The following TTN variants were observed in gnomAD, a reference collection of about 807,000 sequenced individuals.
TTN encodes connectin.
A neutral mutation model predicts 3,223.0 loss-of-function variants in TTN; 1,525 were observed. The ratio of observed to expected loss-of-function variants is 0.47; its 90% confidence interval spans 0.45 to 0.49. The LOEUF (loss-of-function observed/expected upper bound fraction) is 0.49. Ranked by LOEUF, TTN falls within the 20% of genes least tolerant of loss-of-function variation. The pLI, the probability that TTN is intolerant of heterozygous loss-of-function variation, is 0.00. For missense variants in TTN, 40,786 were observed against 43,424.0 expected, an observed-to-expected ratio of 0.94 and a Z score of 5.40; for synonymous variants, 14,094 against 15,161.0, an observed-to-expected ratio of 0.93 and a Z score of 5.17.
rs376539252 is a variant in TTN, at chr2:178,546,805, G to A, written c.94623C>T (p.Tyr31541=). The A allele has an allele frequency of 4.3e-4, 687 of 1,613,220 alleles. 1 individual carries two copies. The highest frequency in any genetic ancestry group is 5.6e-4 in the Non-Finnish European group (662 of 1,179,458). The change falls in exon 341 of 363, where the codon TAC becomes TAT. Residue 31541 remains tyrosine (Y), a synonymous_variant. Coordinates refer to ENST00000589042, the MANE Select transcript of TTN (RefSeq NM_001267550.2). ...AYDGGSKVVG[Y]IIERKPVSEV... The stretch of plus-strand genomic sequence containing the variant: ...CACTGACTGGCTTACGCTCTATGAT[G>A]TAGCCCACAACCTTGCTGCCTCCAT...
rs199642423 is a variant in TTN, at chr2:178,532,705, C to T, written c.103910G>A (p.Arg34637Gln). The T allele has an allele frequency of 1.9e-5, 30 of 1,613,796 alleles. No individual in the cohort carries two copies. Among genetic ancestry groups the T allele is most frequent in the African/African-American group, 1.6e-4 (12 of 74,900 alleles). ...GTCATAATCAGGAGAAGGTGTACGC[C>T]GGCGGGCTGGTCTCACTATCTCAAG... ...DDLEIVRPAR[R>Q]RTPSPDYDFY... The change falls in exon 358 of 363, where the codon CGG (arginine) becomes CAG (glutamine). Residue 34637 changes from arginine to glutamine, a missense_variant. By Grantham distance (43) the Arg-to-Gln change is conservative (BLOSUM62 1). Transcript: ENST00000589042.
Position 178,709,740 on chromosome 2 carries a change from A to C in TTN, c.28579T>G (p.Trp9527Gly). 6.2e-7 allele frequency: 1 copy of C among 1,613,882 alleles called. No homozygotes were observed. Among genetic ancestry groups the C allele is most frequent in the South Asian group, 1.1e-5 (1 of 91,080 alleles). ...TGTATCTCTATATTATTTTTGTACC[A>C]GGCAACAGTTATAGGTTGGGAACCA... is the stretch of plus-strand genomic sequence containing the variant. ...VAGSQPITVA[W>G]YKNNIEIQPT... The change falls in exon 99 of 363, where the codon TGG becomes GGG. Residue 9527 changes from tryptophan (W) to glycine (G), a missense_variant. Physicochemically the swap from Trp to Gly is radical, Grantham distance 184. Coordinates refer to ENST00000589042, the MANE Select transcript of TTN (RefSeq NM_001267550.2).
chr2:178,728,456 A>T (rs956762404), intron 66 of TTN, 44 bp downstream of exon 66: 2 of 1,586,846 alleles, frequency 1.3e-6, no homozygotes, highest in Non-Finnish European at 1.7e-6. Context: ...TTTACAAAGG[A>T]CATACTATAA....
Position 178,664,776 on chromosome 2 carries a change from G to A in TTN, c.36119-39C>T. 1.9e-6 allele frequency: 3 copies of A among 1,610,382 alleles called. No homozygotes were observed. The East Asian group carries it at 6.7e-5, about 36-fold the overall frequency. On this transcript the variant is annotated intron_variant, in intron 166 of 362. Transcript: ENST00000589042. ...GTAGTTTTATGTTTAGTGTTATGCA[G>A]ATAACTAGGAATAGCAAAAATATTC...
chr2:178,556,957 G>A lies in TTN; in HGVS notation c.88197C>T (p.Gly29399=). 1 of 1,613,816 alleles carries A rather than the reference G, an allele frequency of 6.2e-7. No individual in the cohort carries two copies. ...NVTETQFIIS[G]LTQNSQYEFR... The stretch of plus-strand genomic sequence containing the variant: ...ATTCATACTGGGAATTCTGAGTCAA[G>A]CCAGAGATGATGAATTGAGTTTCAG... The change falls in exon 330 of 363, where the codon GGC becomes GGT. Residue 29399 remains glycine, a synonymous_variant. Coordinates refer to ENST00000589042, the MANE Select transcript of TTN (RefSeq NM_001267550.2).
chr2:178,685,740 C>T (rs1463154086), intron 127 of TTN, 142 bp from the exon 128 acceptor site: 2 of 732,008 alleles, frequency 2.7e-6, no homozygotes, highest in East Asian at 2.8e-5. Flanking sequence ...ATTTAAAATA[C>T]TCAAAGAGCA....
chr2:178,621,655 G>A lies in TTN; in HGVS notation c.45169C>T (p.Pro15057Ser). The A allele has an allele frequency of 6.2e-7, 1 of 1,612,244 alleles. No homozygotes were observed. Among genetic ancestry groups the A allele is most frequent in the Non-Finnish European group, 8.5e-7 (1 of 1,179,014 alleles). ...TTATACCAAATCACTTCTGCGCCAG[G>A]TTTGGAGACTTCACAAACCAGTTTT... ...TIKLVCEVSKPGAEVIWYKGD... is the reference protein window; with the variant it reads ...TIKLVCEVSKSGAEVIWYKGD... Residue 15057 changes from proline to serine, a missense_variant, in exon 245 of 363, where the codon CCT becomes TCT. Transcript: ENST00000589042.
In TTN at chr2:178,725,412, T is replaced by C. The variant is rs200866883; in HGVS notation, c.20792A>G (p.Asn6931Ser). 544 of 1,606,838 alleles carry C rather than the reference T, an allele frequency of 3.4e-4. No individual in the cohort carries two copies. The highest frequency in any genetic ancestry group is 4.3e-4 in the Non-Finnish European group (511 of 1,175,868). The change falls in exon 71 of 363, where the codon AAT (asparagine) becomes AGT (serine). Residue 6931 changes from asparagine (N) to serine (S), a missense_variant. Transcript: ENST00000589042. ...NAGKYICQIKNDGGMRENMAT... is the reference protein window; with the variant it reads ...NAGKYICQIKSDGGMRENMAT... ...CATGTTCTCCCTCATTCCACCATCATTCTTGATTTGGCAGATATACTTTCC... is the reference window on the plus strand; with the variant it reads ...CATGTTCTCCCTCATTCCACCATCACTCTTGATTTGGCAGATATACTTTCC...
intron 241 of TTN, 55 bp downstream of exon 241, chr2:178,625,218 C>T: frequency 6.4e-7 from 1 of 1,565,020 alleles, no homozygotes; most frequent in South Asian, 1.2e-5. Flanking sequence ...TGAGAGTTGG[C>T]ATTGTTCATG....
At chr2:178,722,985 A>G (rs756379289) in intron 75 of TTN, 48 bp from the exon 76 acceptor site, 1 of 1,596,108 alleles carries the variant, frequency 6.3e-7, no homozygotes, top group South Asian at 1.1e-5. Context: ...ATGAATATCA[A>G]AGAAACTATG....
chr2:178,555,138 C>A lies in TTN; in HGVS notation c.88321G>T (p.Asp29441Tyr). The change falls in exon 331 of 363, where the codon GAT (aspartate) becomes TAT (tyrosine). Residue 29441 changes from aspartate to tyrosine, a missense_variant. Physicochemically the swap from Asp to Tyr is radical, Grantham distance 160. Transcript: ENST00000589042. ...CIDSYGGPVI[D>Y]LPLEYTEVVK... ...ACTTCTGTATATTCTAGAGGCAAAT[C>A]AATTACAGGACCACCTGCAAGAAAA... The A allele has an allele frequency of 6.2e-7, 1 of 1,608,058 alleles. No individual in the cohort carries two copies. Among genetic ancestry groups the A allele is most frequent in the Non-Finnish European group, 8.5e-7 (1 of 1,178,520 alleles).
chr2:178,722,003 CCTT>C lies in TTN; in HGVS notation c.22657_22659del (p.Lys7553del), dbSNP rs2078450162. 6.2e-7 allele frequency: 1 copy of C among 1,613,400 alleles called. No homozygotes were observed. The highest frequency in any genetic ancestry group is 8.5e-7 in the Non-Finnish European group (1 of 1,179,586). ...GTATAGTTTCCTCCAGGACGGATCTCCTTGTTATCTTTTGACCAAGTGATTCGC... is the reference window on the plus strand; with the variant it reads ...GTATAGTTTCCTCCAGGACGGATCTCGTTATCTTTTGACCAAGTGATTCGC... On this transcript the variant is annotated inframe_deletion, in exon 78 of 363. Coordinates refer to ENST00000589042, the MANE Select transcript of TTN (RefSeq NM_001267550.2).
chr2:178,732,577 C>T lies in TTN; in HGVS notation c.16484G>A (p.Ser5495Asn), dbSNP rs1183828555. ...KGNKELVSGG[S>N]CYITKEALES... ...TAAAGCTTCTTTGGTAATATAGCAG[C>T]TTCCACCAGAAACCAGCTCTTTGTT... is the stretch of plus-strand genomic sequence containing the variant. Residue 5495 changes from serine (S) to asparagine (N), a missense_variant, in exon 56 of 363, where the codon AGC (serine) becomes AAC (asparagine). Transcript: ENST00000589042. 1.2e-6 allele frequency: 2 copies of T among 1,613,660 alleles called. No individual in the cohort carries two copies. Among genetic ancestry groups the T allele is most frequent in the Non-Finnish European group, 1.7e-6 (2 of 1,179,740 alleles).
Position 178,574,441 on chromosome 2 carries a change from A to G in TTN, c.71691T>C (p.Tyr23897=). 2 of 1,613,606 alleles carry G rather than the reference A, an allele frequency of 1.2e-6. No individual in the cohort carries two copies. Among genetic ancestry groups the G allele is most frequent in the Non-Finnish European group, 1.7e-6 (2 of 1,179,638 alleles). The part of the protein sequence containing the change: ...KSSGLTDGIA[Y]EFRVIAENMA... ...TGTTTTCTGCAATCACCCGGAACTC[A>G]TAAGCAATACCATCTGTAAGTCCAC... The change falls in exon 326 of 363, where the codon TAT becomes TAC. Residue 23897 remains tyrosine (Y), a synonymous_variant. Coordinates refer to ENST00000589042, the MANE Select transcript of TTN (RefSeq NM_001267550.2).
intron 2 of TTN, among the ~76,000 whole-genome samples, chr2:178,803,486 C>T (rs1184195340): frequency 6.7e-6 from 1 of 150,312 alleles, no homozygotes; most frequent in Non-Finnish European, 1.5e-5. Flanking sequence ...AAGGGAATTT[C>T]ATTGGTCTAT....
chr2:178,686,867 G>A (rs1164922457), intron 127 of TTN, among the ~76,000 whole-genome samples: 3 of 152,198 alleles, frequency 2.0e-5, no homozygotes, highest in African/African-American at 4.8e-5. Flanking sequence ...GAGTACTACA[G>A]GAAGTTTATA....
intron 240 of TTN, among the ~76,000 whole-genome samples, chr2:178,627,543 G>T (rs2059222631): frequency 6.6e-6 from 1 of 151,910 alleles, no homozygotes; most frequent in Admixed American, 6.6e-5. Flanking sequence ...AAAGGCTAAG[G>T]TATTTCGGGT....
chr2:178,575,526 G>C lies in TTN; in HGVS notation c.70606C>G (p.Pro23536Ala). 6.2e-7 allele frequency: 1 copy of C among 1,613,682 alleles called. No individual in the cohort carries two copies. Among genetic ancestry groups the C allele is most frequent in the East Asian group, 2.2e-5 (1 of 44,848 alleles). The change falls in exon 326 of 363, where the codon CCA becomes GCA. Residue 23536 changes from proline (P) to alanine (A), a missense_variant. Pro to Ala is a conservative substitution (Grantham distance 27). Transcript: ENST00000589042. This position sits in a 1 kb window ranked among gnomAD's most constrained non-coding sequence, Gnocchi z 4.0. ...PVKASEAPSP[P>A]DSLNIMDITK... ...ATGTCCATGATGTTAAGGCTGTCTG[G>C]TGGAGATGGTGCTTCAGAGGCTTTT...
At position 178,739,134 on chromosome 2, in the gene TTN, A is replaced by G. The variant is rs2154317357; in HGVS notation, c.14092+7T>C. Reference sequence around the variant, plus strand: ...GCATTTGATCTATTTTATCCTTAAAATCCAACCTCTTTTTACTACAGTGAG... The same window carrying G: ...GCATTTGATCTATTTTATCCTTAAAGTCCAACCTCTTTTTACTACAGTGAG... On this transcript the variant is annotated splice_region_variant and intron_variant, in intron 48 of 362. Coordinates refer to ENST00000589042, the MANE Select transcript of TTN (RefSeq NM_001267550.2). 1 of 1,504,012 alleles carries G rather than the reference A, an allele frequency of 6.6e-7. No individual in the cohort carries two copies. 93.2% of individuals were successfully genotyped at this position (1,504,012 alleles called of 1,614,324 possible). A position where few individuals can be genotyped will look rare whatever the true frequency, so the allele number is the denominator to read the frequency against.
Sources: gnomAD v4.1 joint callset for allele counts (sites outside exome capture counted in the v4.1 genomes callset) on GRCh38, gnomAD v4.1.1 for gene constraint, Gnocchi (gnomAD v3.1) non-coding constraint, MANE v1.5 for transcripts, NCBI Gene and HGNC (gene_info 2026-07-23, HGNC 2026-07-21) for gene names.